The following OSBPL10 variants were observed in gnomAD, a reference collection of about 807,000 sequenced individuals.
OSBPL10 encodes oxysterol-binding protein-related protein 10.
A neutral mutation model predicts 81.7 loss-of-function variants in OSBPL10; 49 were observed. That is an observed-to-expected ratio of 0.60 (90% CI 0.48 to 0.76). OSBPL10 has a LOEUF of 0.76. Ranked by LOEUF, OSBPL10 falls within the 30% of genes least tolerant of loss-of-function variation. The probability of loss-of-function intolerance (pLI) is 0.00; values close to 1 mark genes in which losing one functional copy is unlikely to be tolerated. For missense variants in OSBPL10, 923 were observed against 987.8 expected (o/e 0.93, Z 0.88); for synonymous variants, 419 against 383.6 (o/e 1.09, Z -1.08).
intron 1 of OSBPL10, among the ~76,000 whole-genome samples, chr3:31,973,686 A>G (rs2125495428): frequency 6.6e-6 from 1 of 152,364 alleles, no homozygotes; most frequent in East Asian, 1.9e-4. Context: ...AAAGCTCTCC[A>G]GGTAGCAACA....
chr3:32,044,882 G>C (rs1464270426), intron 2 of OSBPL10, among the ~76,000 whole-genome samples: 1 of 151,586 alleles, frequency 6.6e-6, no homozygotes, highest in Non-Finnish European at 1.5e-5. Flanking sequence ...ATTTGAAATA[G>C]TAATTCAATG....
At chr3:31,689,404 A>G (rs1283857731) in intron 7 of OSBPL10, among the ~76,000 whole-genome samples, 4 of 152,228 alleles carry the variant, frequency 2.6e-5, no homozygotes, top group Admixed American at 2.6e-4. Flanking sequence ...ACATTTCCCA[A>G]TGTGACACAT....
intron 5 of OSBPL10, among the ~76,000 whole-genome samples, chr3:31,740,216 T>C (rs912007738): frequency 5.3e-5 from 8 of 152,110 alleles, no homozygotes; most frequent in Non-Finnish European, 1.2e-4. Flanking sequence ...GCTAATTTTG[T>C]ATTCTTTTTG....
chr3:32,010,177 A>C (rs1011937586), intron 2 of OSBPL10, among the ~76,000 whole-genome samples: 1 of 151,636 alleles, frequency 6.6e-6, no homozygotes, highest in African/African-American at 2.4e-5. Context: ...ACAGAAATGC[A>C]GGTGCACAGA....
At chr3:31,923,649 A>C (rs1696983807) in intron 1 of OSBPL10, among the ~76,000 whole-genome samples, 1 of 152,024 alleles carries the variant, frequency 6.6e-6, no homozygotes, top group South Asian at 2.1e-4. Flanking sequence ...AAAATAGCTG[A>C]TTTGGTGCAC....
intron 1 of OSBPL10, among the ~76,000 whole-genome samples, chr3:31,897,056 G>A (rs1052181566): frequency 6.6e-6 from 1 of 151,660 alleles, no homozygotes; most frequent in African/African-American, 2.4e-5. Flanking sequence ...CCAGAAATCA[G>A]AGAAACATCT....
chr3:31,837,851 A>C lies in OSBPL10; in HGVS notation c.538-7620T>G, dbSNP rs374733278. On this transcript the variant is annotated intron_variant, in intron 3 of 11. Transcript: ENST00000396556. ...GAGACCTTTATAGAGGAAAAAAAAA[A>C]ATTTAATCCATGAAAAGAAATCAAT... is the stretch of plus-strand genomic sequence containing the variant. 7.2e-5 allele frequency among the ~76,000 whole-genome samples: 11 copies of C among 151,908 alleles called. No individual in the cohort carries two copies. The South Asian group carries it at 2.1e-3, about 29-fold the overall frequency.
intron 7 of OSBPL10, among the ~76,000 whole-genome samples, chr3:31,695,020 C>A (rs1315489816): frequency 6.6e-6 from 1 of 152,204 alleles, no homozygotes; most frequent in Non-Finnish European, 1.5e-5. Context: ...TCCCAAAGTG[C>A]TGGAATTACA....
chr3:31,783,111 T>TTATATATATATATATATATATA (rs56846176), intron 4 of OSBPL10, among the ~76,000 whole-genome samples: 7 of 121,660 alleles, frequency 5.8e-5, no homozygotes, highest in African/African-American at 2.6e-4. Flanking sequence ...AATATATCTA[T>TTATATATATATATATATATATA]TATATATATA....
At chr3:32,040,363 C>T (rs374072838) in intron 2 of OSBPL10, among the ~76,000 whole-genome samples, 2 of 152,188 alleles carry the variant, frequency 1.3e-5, no homozygotes, top group East Asian at 1.9e-4. Context: ...GCTAACATTG[C>T]ACCACTGCAC....
chr3:31,772,164 G>A (rs887921450), intron 4 of OSBPL10, among the ~76,000 whole-genome samples: 3 of 152,132 alleles, frequency 2.0e-5, no homozygotes. Flanking sequence ...TACAGGGTTA[G>A]GTTACCCCGA....
intron 3 of OSBPL10, among the ~76,000 whole-genome samples, chr3:31,831,113 C>A (rs1482619860): frequency 6.6e-6 from 1 of 152,004 alleles, no homozygotes; most frequent in South Asian, 2.1e-4. Flanking sequence ...AAAAGCTATA[C>A]CACAAAAGCT....
At chr3:31,749,784 C>G (rs1273013190) in intron 4 of OSBPL10, among the ~76,000 whole-genome samples, 1 of 151,818 alleles carries the variant, frequency 6.6e-6, no homozygotes, top group African/African-American at 2.4e-5. Context: ...CACTGTGCTC[C>G]AGCCTGGGTG....
At chr3:31,671,876 G>A (rs1700330877) in intron 8 of OSBPL10, among the ~76,000 whole-genome samples, 1 of 152,124 alleles carries the variant, frequency 6.6e-6, no homozygotes, top group African/African-American at 2.4e-5. Flanking sequence ...ACTGGCAGAG[G>A]CCCTGAGACC....
chr3:31,793,789 G>C (rs1459836684), intron 4 of OSBPL10, among the ~76,000 whole-genome samples: 1 of 152,216 alleles, frequency 6.6e-6, no homozygotes, highest in African/African-American at 2.4e-5. Context: ...AGAGAGTTTA[G>C]ATATACAGTT....
rs139725466 is a variant in OSBPL10, at chr3:31,784,647, T to C, written c.730-36527A>G. Among the ~76,000 whole-genome samples the C allele has an allele frequency of 5.4e-4, 79 of 145,738 alleles. 1 individual carries two copies. Among genetic ancestry groups the C allele is most frequent in the Non-Finnish European group, 1.0e-3 (68 of 66,194 alleles). ...ACCCAGGCTGGAGTACAGTGGTGCG[T>C]TCTTAGCTCACTGCAACCTCCACCT... On this transcript the variant is annotated intron_variant, in intron 4 of 11. Coordinates refer to ENST00000396556, the MANE Select transcript of OSBPL10 (RefSeq NM_017784.5).
intron 7 of OSBPL10, among the ~76,000 whole-genome samples, chr3:31,694,797 C>T (rs944241204): frequency 6.6e-6 from 1 of 152,162 alleles, no homozygotes; most frequent in African/African-American, 2.4e-5. Flanking sequence ...TCTTGTTGCC[C>T]AGACTGGAGT....
chr3:32,055,735 A>C (rs1699705593), intron 1 of OSBPL10, among the ~76,000 whole-genome samples: 1 of 152,166 alleles, frequency 6.6e-6, no homozygotes, highest in Admixed American at 6.6e-5. Context: ...GACTTATAGA[A>C]CCAATAAAAG....
At chr3:31,857,811 A>AGGAGGTGGGGGAGGGGGGG (rs1669919247) in intron 3 of OSBPL10, among the ~76,000 whole-genome samples, 1 of 31,900 alleles carries the variant, frequency 3.1e-5, no homozygotes, top group South Asian at 6.8e-4. Context: ...AGGGAGAGAG[A>AGGAGGTGGGGGAGGGGGGG]GAGAAAGGGA....
Sources: gnomAD v4.1 joint callset for allele counts (sites outside exome capture counted in the v4.1 genomes callset) on GRCh38, gnomAD v4.1.1 for gene constraint, MANE v1.5 for transcripts, NCBI Gene and HGNC (gene_info 2026-07-23, HGNC 2026-07-21) for gene names.